The following GTPBP1 variants were observed in gnomAD, a reference collection of about 807,000 sequenced individuals.
The protein encoded by GTPBP1 is GTP-binding protein 1.
In GTPBP1, 23 loss-of-function variants were observed where a neutral mutation model predicts 62.0. The ratio of observed to expected loss-of-function variants is 0.37; its 90% CI spans 0.27 to 0.53. The LOEUF is 0.53. GTPBP1 is among the 20% of genes least tolerant of loss of function. The pLI is 0.89. For synonymous variants in GTPBP1, 344 were observed against 364.4 expected (o/e 0.94, Z 0.64); for missense variants, 640 against 917.3 (o/e 0.70, Z 3.90).
chr22:38,743,092 G>T (rs1392091085), downstream of GTPBP1: 1 of 152,514 alleles, frequency 6.6e-6, no homozygotes, highest in Non-Finnish European at 1.5e-5. Flanking sequence ...CAGAGAAAAT[G>T]GAATAAATGT....
chr22:38,713,180 G>T (rs900616770), intron 2 of GTPBP1, among the ~76,000 whole-genome samples: 46 of 152,222 alleles, frequency 3.0e-4, no homozygotes, highest in African/African-American at 1.0e-3. Flanking sequence ...CTAGGACCCT[G>T]CAGAGAACCC....
At chr22:38,712,008 G>A (rs980795819) in intron 2 of GTPBP1, among the ~76,000 whole-genome samples, 7 of 151,978 alleles carry the variant, frequency 4.6e-5, no homozygotes, top group African/African-American at 1.5e-4. Flanking sequence ...AGCCTCCCGC[G>A]TAGCTGGGAC....
At chr22:38,713,669 T>A (rs1260939702) in intron 2 of GTPBP1, among the ~76,000 whole-genome samples, 1 of 152,104 alleles carries the variant, frequency 6.6e-6, no homozygotes, top group African/African-American at 2.4e-5. Context: ...ACTCATGGCC[T>A]CCCCCAAGCT....
chr22:38,719,235 G>A (rs1028793792), intron 4 of GTPBP1, among the ~76,000 whole-genome samples: 1 of 152,136 alleles, frequency 6.6e-6, no homozygotes, highest in Non-Finnish European at 1.5e-5. Context: ...TGGAACTCCT[G>A]ACCTCCAGCA....
At chr22:38,738,739 C>G, downstream of GTPBP1, 1 of 1,613,550 alleles carries the variant, frequency 6.2e-7, no homozygotes, top group Non-Finnish European at 8.5e-7. The surrounding 1 kb of genome is among the most constrained non-coding windows in gnomAD (Gnocchi z 6.6). Context: ...CAGCAGTTGC[C>G]TGGGTGCACA....
intron 5 of GTPBP1, chr22:38,723,115 C>A: frequency 2.6e-6 from 2 of 776,202 alleles, no homozygotes; most frequent in Non-Finnish European, 2.4e-6. Flanking sequence ...CCACTGAGAC[C>A]ACAACTTCAC....
chr22:38,722,969 A>C, intron 5 of GTPBP1: 2 of 882,052 alleles, frequency 2.3e-6, no homozygotes, highest in Non-Finnish European at 3.9e-6. Context: ...CTCTTAGTGC[A>C]AGACCAGAAC....
At chr22:38,714,170 A>G (rs1226643096) in intron 2 of GTPBP1, among the ~76,000 whole-genome samples, 1 of 152,198 alleles carries the variant, frequency 6.6e-6, no homozygotes, top group East Asian at 1.9e-4. Flanking sequence ...AGAGGGCATT[A>G]GAGAGTTTAG....
Position 38,731,213 on chromosome 22 carries a change from C to A in GTPBP1, c.*509C>A, listed in dbSNP as rs2092758411. On this transcript the variant is annotated 3_prime_UTR_variant, in exon 12 of 12. Coordinates refer to ENST00000216044, the MANE Select transcript of GTPBP1 (RefSeq NM_004286.5). ...CTGCTCCTCTTGGCACTCAGGGGCA[C>A]CTTCCATGGAGCCAGACCGGGTGGA... is the stretch of plus-strand genomic sequence containing the variant. 1.3e-5 allele frequency: 2 copies of A among 152,968 alleles called. No homozygotes were observed. Among genetic ancestry groups the A allele is most frequent in the African/African-American group, 4.8e-5 (2 of 41,434 alleles). The allele number at this position is 152,968 out of a possible 1,614,324, so 9.5% of individuals were successfully genotyped here. A position where few individuals can be genotyped will look rare whatever the true frequency, so the allele number is the denominator to read the frequency against.
intron 2 of GTPBP1, among the ~76,000 whole-genome samples, chr22:38,712,134 C>T (rs1340131870): frequency 6.6e-6 from 1 of 152,054 alleles, no homozygotes; most frequent in Non-Finnish European, 1.5e-5. Flanking sequence ...CCCTGAGCCT[C>T]AAAGTGCTGG....
At position 38,727,434 on chromosome 22, in the gene GTPBP1, C is replaced by G; in HGVS notation, c.1537+86C>G. 5 of 1,314,806 alleles carry G rather than the reference C, an allele frequency of 3.8e-6. No individual in the cohort carries two copies. Among genetic ancestry groups the G allele is most frequent in the Non-Finnish European group, 5.1e-6 (5 of 971,876 alleles). 81.4% of individuals were successfully genotyped at this position (1,314,806 alleles called of 1,614,324 possible). A position where few individuals can be genotyped will look rare whatever the true frequency, so the allele number is the denominator to read the frequency against. ...TTCCAGCAACCCAGGCCCCCTAGTT[C>G]CAGCTGCAGCTGGGTGGTAGGCCTC... is the stretch of plus-strand genomic sequence containing the variant. On this transcript the variant is annotated intron_variant, in intron 9 of 11. Transcript: ENST00000216044. The surrounding 1 kb of genome is among the most constrained non-coding windows in gnomAD (Gnocchi z 6.5).
chr22:38,724,157 G>T (rs116963077), intron 5 of GTPBP1, 140 bp from the exon 6 acceptor site: 10,645 of 607,388 alleles, frequency 0.018, 128 homozygotes, highest in Non-Finnish European at 0.025. Flanking sequence ...TGCTTCTCCA[G>T]GCATTGTGGC....
chr22:38,709,189 G>A (rs1266845685), intron 2 of GTPBP1, among the ~76,000 whole-genome samples: 1 of 152,176 alleles, frequency 6.6e-6, no homozygotes, highest in Non-Finnish European at 1.5e-5. Flanking sequence ...CTACTTGGGA[G>A]GCTGAGGCAG....
downstream of GTPBP1, chr22:38,739,193 C>T (rs902492990): frequency 1.2e-5 from 12 of 980,446 alleles, no homozygotes; most frequent in Middle Eastern, 7.4e-4. The surrounding 1 kb of genome is among the most constrained non-coding windows in gnomAD (Gnocchi z 6.7). Flanking sequence ...CCTGAATTGC[C>T]ACTTGCCTTT....
intron 4 of GTPBP1, among the ~76,000 whole-genome samples, chr22:38,720,385 A>T (rs79559099): frequency 1.5e-5 from 2 of 134,972 alleles, no homozygotes; most frequent in African/African-American, 5.5e-5. Context: ...ACATGCAGCT[A>T]ATTTTTTTTT....
intron 2 of GTPBP1, among the ~76,000 whole-genome samples, chr22:38,711,398 A>G (rs1214841081): frequency 6.6e-6 from 1 of 152,162 alleles, no homozygotes; most frequent in Non-Finnish European, 1.5e-5. Flanking sequence ...TAAAATGGGG[A>G]TAATAATGGA....
rs373482700 is a variant in GTPBP1, at chr22:38,726,166, C to T, written c.1218+16C>T. 7.5e-6 allele frequency: 12 copies of T among 1,608,894 alleles called. No homozygotes were observed. Among genetic ancestry groups the T allele is most frequent in the East Asian group, 6.7e-5 (3 of 44,734 alleles). On this transcript the variant is annotated intron_variant, in intron 7 of 11. Transcript: ENST00000216044. The surrounding 1 kb of genome is among the most constrained non-coding windows in gnomAD (Gnocchi z 4.1). ...CTCCGTCCCGGTAAGTGGCTCTGGG[C>T]GGGTAGCTGGGTGGGCACTTCCTAC...
At chr22:38,724,747 T>A (rs574916723) in intron 6 of GTPBP1, among the ~76,000 whole-genome samples, 26 of 152,260 alleles carry the variant, frequency 1.7e-4, no homozygotes, top group African/African-American at 6.0e-4. Context: ...ATGTTGGAAA[T>A]GAAGTATGTA....
downstream of GTPBP1, chr22:38,742,194 C>A: frequency 7.2e-7 from 1 of 1,390,686 alleles, no homozygotes; most frequent in Non-Finnish European, 9.7e-7. Context: ...TGCAAAATGG[C>A]AGAGCTGTCT....
Sources: allele counts gnomAD v4.1 joint callset (sites outside exome capture counted in the v4.1 genomes callset), GRCh38; gene constraint gnomAD v4.1.1; non-coding constraint Gnocchi (gnomAD v3.1); transcripts MANE v1.5; gene names NCBI Gene and HGNC (gene_info 2026-07-23, HGNC 2026-07-21).